Variants in ZBTB20 observed in about 807,000 individuals in gnomAD.
ZBTB20 encodes zinc finger and BTB domain-containing protein 20.
Under a neutral mutation model 56.9 loss-of-function variants are expected in ZBTB20, and 9 were observed. The observed-to-expected ratio is 0.16, with a 90% confidence interval of 0.10 to 0.28. The LOEUF is 0.28. Among genes scored for constraint, ZBTB20 ranks in the 10% least tolerant of loss-of-function variants. ZBTB20 has a pLI of 1.00. For synonymous variants in ZBTB20, 417 were observed against 420.7 expected (o/e 0.99, Z 0.11); for missense variants, 655 against 1,003.0 (o/e 0.65, Z 4.69).
chr3:114,909,630 A>C (rs562436019), intron 3 of ZBTB20, among the ~76,000 whole-genome samples: 2 of 152,076 alleles, frequency 1.3e-5, no homozygotes, highest in South Asian at 4.1e-4. Context: ...TTATAAGCAA[A>C]AGACTATACC....
Position 115,004,754 on chromosome 3 carries a change from A to G in ZBTB20, c.-506-30338T>C, listed in dbSNP as rs1161709787. ...CATATTTATAATATAATTTTGGATT[A>G]AGATTTTTATTTACAAATCATTTCA... On this transcript the variant is annotated intron_variant, in intron 2 of 11. Transcript: ENST00000675478. 3.3e-5 allele frequency among the ~76,000 whole-genome samples: 5 copies of G among 151,798 alleles called. No homozygotes were observed. In the East Asian group the frequency reaches 9.8e-4, roughly 30 times the overall value.
intron 6 of ZBTB20, among the ~76,000 whole-genome samples, chr3:114,538,772 T>G (rs1410276442): frequency 2.0e-5 from 3 of 152,172 alleles, no homozygotes; most frequent in Non-Finnish European, 4.4e-5. Flanking sequence ...GTTTTCTCAC[T>G]TTGATTCAAA....
intron 5 of ZBTB20, among the ~76,000 whole-genome samples, chr3:114,777,850 G>A (rs1173189135): frequency 2.0e-5 from 3 of 151,818 alleles, no homozygotes; most frequent in South Asian, 2.1e-4. Context: ...CAACCCAAAC[G>A]TCCAACAATG....
At chr3:115,075,741 G>C (rs1366174615) in intron 1 of ZBTB20, among the ~76,000 whole-genome samples, 2 of 151,994 alleles carry the variant, frequency 1.3e-5, no homozygotes, top group African/African-American at 4.8e-5. Context: ...GTTCACTCTC[G>C]GCACTTCTAT....
chr3:114,801,307 T>C (rs1463181903), intron 4 of ZBTB20, 133 bp from the exon 5 acceptor site: 1 of 140,448 alleles, frequency 7.1e-6, no homozygotes, highest in African/African-American at 2.6e-5. Flanking sequence ...CTTTTTTTCT[T>C]TTTTTTTTTT....
At chr3:114,391,701 C>G (rs954288180) in intron 7 of ZBTB20, among the ~76,000 whole-genome samples, 3 of 152,142 alleles carry the variant, frequency 2.0e-5, no homozygotes, top group Non-Finnish European at 4.4e-5. Flanking sequence ...AGAATAAACC[C>G]TCTTGCCTTG....
intron 4 of ZBTB20, among the ~76,000 whole-genome samples, chr3:114,857,360 G>A (rs2075300513): frequency 6.6e-6 from 1 of 152,160 alleles, no homozygotes; most frequent in African/African-American, 2.4e-5. Flanking sequence ...ATCTGGCACG[G>A]TAAAACACTG....
chr3:114,592,842 ATTT>A (rs965285714), intron 6 of ZBTB20, among the ~76,000 whole-genome samples: 5 of 152,110 alleles, frequency 3.3e-5, no homozygotes, highest in Non-Finnish European at 5.9e-5. Flanking sequence ...TATATTATAC[ATTT>A]TCTACCTGCC....
At chr3:114,529,499 T>C (rs2047599329) in intron 6 of ZBTB20, 1 of 152,192 alleles carries the variant, frequency 6.6e-6, no homozygotes, top group Non-Finnish European at 1.5e-5. Flanking sequence ...TACCACATTT[T>C]CCACCTTTAA....
chr3:115,145,093 C>T (rs912468886), intron 1 of ZBTB20, among the ~76,000 whole-genome samples: 6 of 152,158 alleles, frequency 3.9e-5, no homozygotes, highest in Non-Finnish European at 5.9e-5. Context: ...GCCTTGAGTA[C>T]TGAACAGTTA....
intron 7 of ZBTB20, among the ~76,000 whole-genome samples, chr3:114,464,755 G>A (rs1031065484): frequency 6.6e-6 from 1 of 151,950 alleles, no homozygotes; most frequent in African/African-American, 2.4e-5. Flanking sequence ...GGGATTTCCT[G>A]AGGCCATTGT....
chr3:114,511,383 A>G (rs1331006214), intron 6 of ZBTB20, among the ~76,000 whole-genome samples: 1 of 152,142 alleles, frequency 6.6e-6, no homozygotes, highest in Non-Finnish European at 1.5e-5. Flanking sequence ...TACTAGTAAC[A>G]TGGCTTCAGA....
chr3:114,726,470 C>T (rs1016023004), intron 5 of ZBTB20, among the ~76,000 whole-genome samples: 1 of 152,046 alleles, frequency 6.6e-6, no homozygotes, highest in Non-Finnish European at 1.5e-5. Context: ...TCAGAATTAC[C>T]TGAAGTGCTT....
At chr3:114,849,623 A>C (rs1369433178) in intron 4 of ZBTB20, among the ~76,000 whole-genome samples, 1 of 152,230 alleles carries the variant, frequency 6.6e-6, no homozygotes, top group Non-Finnish European at 1.5e-5. Flanking sequence ...TTTGCCACTC[A>C]AGGAAAATGA....
intron 1 of ZBTB20, among the ~76,000 whole-genome samples, chr3:115,092,648 G>A (rs1051147477): frequency 6.6e-6 from 1 of 152,000 alleles, no homozygotes; most frequent in South Asian, 2.1e-4. Context: ...GACACGGATC[G>A]CCTCTCCATC....
chr3:114,732,729 T>C (rs981052862), intron 5 of ZBTB20, among the ~76,000 whole-genome samples: 2 of 152,208 alleles, frequency 1.3e-5, no homozygotes, highest in African/African-American at 4.8e-5. Flanking sequence ...CCACGACCTT[T>C]ACCTAATCAA....
In ZBTB20 at chr3:114,316,319, A is replaced by G. The variant is rs2078683088; in HGVS notation, c.*22686T>C. 3 of 393,016 alleles carry G rather than the reference A, an allele frequency of 7.6e-6. No individual in the cohort carries two copies. Among genetic ancestry groups the G allele is most frequent in the African/African-American group, 2.2e-5 (1 of 45,076 alleles). The allele number at this position is 393,016 out of a possible 1,614,324, so 24.3% of individuals were successfully genotyped here. ...TTTATGAACATACAGAAATGACCAA[A>G]GTCACTGCAAGTAGCTGTTTTTATT... is the stretch of plus-strand genomic sequence containing the variant. On this transcript the variant is annotated 3_prime_UTR_variant, in exon 12 of 12. Transcript: ENST00000675478.
At chr3:114,366,793 T>C (rs1576392310) in intron 10 of ZBTB20, 1 of 152,240 alleles carries the variant, frequency 6.6e-6, no homozygotes, top group East Asian at 1.9e-4. Context: ...GGGGAAAACT[T>C]ACCAGGTACA....
At chr3:114,621,778 G>A (rs1446263070) in intron 6 of ZBTB20, among the ~76,000 whole-genome samples, 2 of 152,116 alleles carry the variant, frequency 1.3e-5, no homozygotes, top group Admixed American at 6.5e-5. Context: ...GTTATTGACA[G>A]TGCATTGTGA....
Sources: gnomAD v4.1 joint callset for allele counts (sites outside exome capture counted in the v4.1 genomes callset) on GRCh38, gnomAD v4.1.1 for gene constraint, MANE v1.5 for transcripts, NCBI Gene and HGNC (gene_info 2026-07-23, HGNC 2026-07-21) for gene names.